The following CTNND2 variants were observed in gnomAD, a reference collection of about 807,000 sequenced individuals.
The protein encoded by CTNND2 is catenin delta 2.
Under a neutral mutation model 144.4 loss-of-function variants are expected in CTNND2, and 22 were observed. The observed-to-expected ratio is 0.15, with a 90% confidence interval of 0.11 to 0.22. The LOEUF (loss-of-function observed/expected upper bound fraction) is 0.22. CTNND2 is among the 10% of genes least tolerant of loss of function. The pLI, the probability that CTNND2 is intolerant of heterozygous loss-of-function variation, is 1.00. For synonymous variants in CTNND2, 751 were observed against 695.6 expected (o/e 1.08, Z -1.25); for missense variants, 1,353 against 1,618.8 (o/e 0.84, Z 2.82).
At chr5:11,148,429 TGGAAG>T (rs1487052843) in intron 12 of CTNND2, among the ~76,000 whole-genome samples, 1 of 152,070 alleles carries the variant, frequency 6.6e-6, no homozygotes, top group Non-Finnish European at 1.5e-5. Flanking sequence ...TGTTGCCGGG[TGGAAG>T]GGCTCGTTTC....
At chr5:11,076,486 C>T (rs1748967167) in intron 16 of CTNND2, among the ~76,000 whole-genome samples, 1 of 152,168 alleles carries the variant, frequency 6.6e-6, no homozygotes, top group East Asian at 1.9e-4. Context: ...TATTACCATT[C>T]CTTTTTTAAA....
chr5:11,261,020 C>G (rs1297937540), intron 9 of CTNND2, among the ~76,000 whole-genome samples: 1 of 152,036 alleles, frequency 6.6e-6, no homozygotes, highest in Non-Finnish European at 1.5e-5. Flanking sequence ...ATGGGTCTGG[C>G]TCGGTGCATG....
intron 3 of CTNND2, among the ~76,000 whole-genome samples, chr5:11,433,656 C>G (rs1178227496): frequency 6.6e-6 from 1 of 152,076 alleles, no homozygotes; most frequent in Non-Finnish European, 1.5e-5. Flanking sequence ...GTAGGTGCCA[C>G]ACACTTTTAA....
intron 10 of CTNND2, among the ~76,000 whole-genome samples, chr5:11,206,353 T>C (rs1738047678): frequency 6.6e-6 from 1 of 152,206 alleles, no homozygotes; most frequent in African/African-American, 2.4e-5. Context: ...ACAAACACAC[T>C]TGTGAGTCCT....
rs542742035 is a variant in CTNND2 at position 11,177,969 on chromosome 5, T to C, written c.1976-18210A>G. Reference sequence around the variant, plus strand: ...AGAGGAATGTATATAAGATGATACTTGTTGGTTCCTGGTAGCTACTGATAT... The same window carrying C: ...AGAGGAATGTATATAAGATGATACTCGTTGGTTCCTGGTAGCTACTGATAT... On this transcript the variant is annotated intron_variant, in intron 11 of 21. Transcript: ENST00000304623. Among the ~76,000 whole-genome samples, 12 of 152,274 alleles carry C rather than the reference T, an allele frequency of 7.9e-5. 1 individual carries two copies. In the South Asian group the frequency reaches 2.5e-3, roughly 32 times the overall value.
At chr5:11,327,091 T>C (rs951548293) in intron 9 of CTNND2, among the ~76,000 whole-genome samples, 9 of 152,190 alleles carry the variant, frequency 5.9e-5, no homozygotes, top group Non-Finnish European at 8.8e-5. Flanking sequence ...AGGGTCCACG[T>C]TGAGGCATCT....
chr5:11,867,385 C>G (rs73052519), intron 1 of CTNND2, among the ~76,000 whole-genome samples: 3,634 of 152,224 alleles, frequency 0.024, 141 homozygotes, highest in African/African-American at 0.076. Context: ...ACATTACAGG[C>G]AAGGAATAAC....
chr5:11,192,537 G>A (rs528636710), intron 11 of CTNND2, among the ~76,000 whole-genome samples: 3 of 152,054 alleles, frequency 2.0e-5, no homozygotes, highest in Admixed American at 1.3e-4. Context: ...CTAATCACAC[G>A]GGGCTTTAAA....
At chr5:11,814,756 T>C (rs1389957792) in intron 1 of CTNND2, among the ~76,000 whole-genome samples, 1 of 152,244 alleles carries the variant, frequency 6.6e-6, no homozygotes, top group Non-Finnish European at 1.5e-5. Flanking sequence ...GAAAGTGTTC[T>C]CTACTTGACA....
intron 2 of CTNND2, among the ~76,000 whole-genome samples, chr5:11,690,271 A>G (rs1784833942): frequency 6.6e-6 from 1 of 151,582 alleles, no homozygotes; most frequent in Non-Finnish European, 1.5e-5. Flanking sequence ...AAACAGCAAC[A>G]CATCAGCTTA....
intron 18 of CTNND2, among the ~76,000 whole-genome samples, chr5:11,010,432 C>T (rs568494219): frequency 1.8e-4 from 28 of 152,254 alleles, no homozygotes; most frequent in South Asian, 1.0e-3. Context: ...TGTTTTTCCT[C>T]GACAATATTT....
chr5:11,249,831 C>T (rs1743379375), intron 9 of CTNND2, among the ~76,000 whole-genome samples: 1 of 150,924 alleles, frequency 6.6e-6, no homozygotes, highest in African/African-American at 2.4e-5. Flanking sequence ...ATTAGATCTA[C>T]AGTCATTAGT....
rs557949785 is a variant in CTNND2, at chr5:11,675,466, C to G, written c.174+56670G>C. 1.1e-4 allele frequency among the ~76,000 whole-genome samples: 16 copies of G among 152,210 alleles called. No homozygotes were observed. The East Asian group carries it at 3.1e-3, about 30-fold the overall frequency. On this transcript the variant is annotated intron_variant, in intron 2 of 21. Transcript: ENST00000304623. ...AGGCAACCAGCGCCCTCAGAGAAAC[C>G]AGAGTGGGGCAGTTCTTGTTCCTCA...
At position 11,111,008 on chromosome 5, in the gene CTNND2, G is replaced by A; in HGVS notation, c.2313C>T (p.Leu771=). The A allele has an allele frequency of 6.2e-7, 1 of 1,614,112 alleles. No individual in the cohort carries two copies. The highest frequency in any genetic ancestry group is 8.5e-7 in the Non-Finnish European group (1 of 1,179,998). The change falls in exon 14 of 22, where the codon CTC becomes CTT. Residue 771 remains leucine (L), a synonymous_variant. Transcript: ENST00000304623. ...VENCVCILRN[L]SYRLAAETSQ... ...ACGTTTCTGCCGCCAGCCGGTACGA[G>A]AGGTTCCTTAAAATGCACACACAGT...
intron 12 of CTNND2, among the ~76,000 whole-genome samples, chr5:11,133,482 AG>A (rs1755817715): frequency 6.6e-6 from 1 of 152,084 alleles, no homozygotes; most frequent in Admixed American, 6.6e-5. Context: ...CCTCCCAAGC[AG>A]CTGGGATTAC....
chr5:11,515,694 T>C (rs145134591), intron 3 of CTNND2, among the ~76,000 whole-genome samples: 1 of 152,300 alleles, frequency 6.6e-6, no homozygotes, highest in African/African-American at 2.4e-5. Context: ...CTTTAAAATA[T>C]CACTCAAATT....
chr5:11,245,457 C>T (rs986280961), intron 9 of CTNND2, among the ~76,000 whole-genome samples: 2 of 152,044 alleles, frequency 1.3e-5, no homozygotes, highest in South Asian at 2.1e-4. Context: ...GGAGACTGGA[C>T]GCAGAAGAGG....
chr5:11,833,411 C>A (rs561437820), intron 1 of CTNND2, among the ~76,000 whole-genome samples: 1 of 151,918 alleles, frequency 6.6e-6, no homozygotes, highest in Non-Finnish European at 1.5e-5. Context: ...ATATGACATT[C>A]GGAAAAAGGC....
chr5:11,863,958 A>C (rs1169807549), intron 1 of CTNND2, among the ~76,000 whole-genome samples: 2 of 152,192 alleles, frequency 1.3e-5, no homozygotes, highest in African/African-American at 4.8e-5. Flanking sequence ...TATTTAGGGT[A>C]CATCTAAAGC....
Sources: gnomAD v4.1 joint callset for allele counts (sites outside exome capture counted in the v4.1 genomes callset) on GRCh38, gnomAD v4.1.1 for gene constraint, MANE v1.5 for transcripts, NCBI Gene and HGNC (gene_info 2026-07-23, HGNC 2026-07-21) for gene names.